Variants in MAF observed in about 807,000 individuals in gnomAD.
MAF encodes MAF bZIP transcription factor.
MAF carries 10 observed loss-of-function variants against 22.0 expected under a neutral mutation model. The observed-to-expected ratio is 0.45, with a 90% CI of 0.28 to 0.77. The LOEUF (loss-of-function observed/expected upper bound fraction) is 0.77, where lower values mean the gene tolerates loss of function less well. MAF is among the 30% of genes least tolerant of loss of function. The pLI, the probability that MAF is intolerant of heterozygous loss-of-function variation, is 0.12. For synonymous variants in MAF, 337 were observed against 255.8 expected (o/e 1.32, Z -3.03); for missense variants, 544 against 548.4 (o/e 0.99, Z 0.08).
the MAF span, among the ~76,000 whole-genome samples, chr16:79,558,040 A>G: frequency 2.6e-5 from 4 of 151,858 alleles, no homozygotes; most frequent in African/African-American, 9.7e-5. Context: ...ATGCACCTTC[A>G]CATTTCAGAA....
the MAF span, among the ~76,000 whole-genome samples, chr16:79,437,148 G>A: frequency 3.4e-5 from 1 of 29,046 alleles, no homozygotes; most frequent in Non-Finnish European, 9.8e-5. Context: ...CTCTCTCTCT[G>A]TGTGTGTGTG....
the MAF span, among the ~76,000 whole-genome samples, chr16:79,367,280 C>A: frequency 1.3e-5 from 2 of 152,200 alleles, no homozygotes; most frequent in African/African-American, 2.4e-5. Context: ...TCAAATGATA[C>A]CCTTGCTATT....
the MAF span, among the ~76,000 whole-genome samples, chr16:79,269,732 T>A: frequency 6.6e-6 from 1 of 152,156 alleles, no homozygotes; most frequent in African/African-American, 2.4e-5. Context: ...CTCTCAGACT[T>A]CCTTTCATGC....
chr16:79,497,026 G>GAAT, the MAF span, among the ~76,000 whole-genome samples: 1 of 151,958 alleles, frequency 6.6e-6, no homozygotes, highest in African/African-American at 2.4e-5. Context: ...AAAAGCTTCT[G>GAAT]AATAATAATA....
chr16:79,528,630 G>A, the MAF span, among the ~76,000 whole-genome samples: 3 of 151,490 alleles, frequency 2.0e-5, no homozygotes, highest in South Asian at 2.1e-4. Context: ...TTTGACTTAA[G>A]GCTTTGAGAG....
the MAF span, among the ~76,000 whole-genome samples, chr16:79,578,990 AC>A: frequency 6.6e-6 from 1 of 152,216 alleles, no homozygotes; most frequent in African/African-American, 2.4e-5. Flanking sequence ...CCAGGAAAAG[AC>A]ATGGCTTTAT....
At chr16:79,425,135 A>G in the MAF span, among the ~76,000 whole-genome samples, 17 of 152,242 alleles carry the variant, frequency 1.1e-4, no homozygotes, top group East Asian at 3.1e-3. Flanking sequence ...TTCTGTTATG[A>G]TCTATTTAAT....
the MAF span, among the ~76,000 whole-genome samples, chr16:79,493,142 T>TC: frequency 8.1e-6 from 1 of 122,718 alleles, no homozygotes; most frequent in Admixed American, 7.4e-5. Context: ...GTTTTTTTTT[T>TC]GTTTTGTTTT....
At chr16:79,242,972 G>C in the MAF span, among the ~76,000 whole-genome samples, 1 of 151,900 alleles carries the variant, frequency 6.6e-6, no homozygotes, top group African/African-American at 2.4e-5. Context: ...ACAAAATGAA[G>C]GCAGAAATAA....
the MAF span, among the ~76,000 whole-genome samples, chr16:79,401,244 C>G: frequency 6.6e-6 from 1 of 152,204 alleles, no homozygotes; most frequent in South Asian, 2.1e-4. Context: ...TTTTCACTCC[C>G]CAAACTACCT....
chr16:79,508,454 A>G, the MAF span, among the ~76,000 whole-genome samples: 3 of 151,998 alleles, frequency 2.0e-5, no homozygotes, highest in African/African-American at 7.2e-5. Flanking sequence ...TTGCCCCTTC[A>G]TGCCTAGAGT....
chr16:79,309,585 T>C, the MAF span, among the ~76,000 whole-genome samples: 1 of 152,224 alleles, frequency 6.6e-6, no homozygotes, highest in African/African-American at 2.4e-5. Context: ...AGGAGGCTCA[T>C]AACACCTGTC....
chr16:79,389,393 G>T, the MAF span, among the ~76,000 whole-genome samples: 3 of 152,016 alleles, frequency 2.0e-5, no homozygotes. Flanking sequence ...CAAGTAGCTG[G>T]GATTACAGGC....
the MAF span, among the ~76,000 whole-genome samples, chr16:79,290,553 G>C: frequency 2.0e-5 from 3 of 151,950 alleles, no homozygotes; most frequent in Admixed American, 6.5e-5. Context: ...GCTTAACCAT[G>C]CTGCGACGTG....
At chr16:79,305,971 C>G in the MAF span, among the ~76,000 whole-genome samples, 1 of 152,216 alleles carries the variant, frequency 6.6e-6, no homozygotes, top group African/African-American at 2.4e-5. Context: ...ACCCCAAGCT[C>G]TGCATGCCCC....
At chr16:79,522,266 G>C in the MAF span, among the ~76,000 whole-genome samples, 505 of 152,318 alleles carry the variant, frequency 3.3e-3, 5 homozygotes, top group African/African-American at 0.011. Flanking sequence ...CAGCTCCCCT[G>C]GGATAGAAGC....
chr16:79,506,614 C>T, the MAF span, among the ~76,000 whole-genome samples: 1 of 152,206 alleles, frequency 6.6e-6, no homozygotes, highest in South Asian at 2.1e-4. Flanking sequence ...GAGAGGAAGG[C>T]CAAGACCCAG....
chr16:79,397,529 T>G, the MAF span, among the ~76,000 whole-genome samples: 1 of 152,190 alleles, frequency 6.6e-6, no homozygotes, highest in Non-Finnish European at 1.5e-5. Flanking sequence ...GACTCTAATA[T>G]TGTAGTTTTT....
the MAF span, among the ~76,000 whole-genome samples, chr16:79,563,574 A>G: frequency 2.0e-5 from 3 of 152,020 alleles, no homozygotes; most frequent in Non-Finnish European, 4.4e-5. Flanking sequence ...CATTGATATC[A>G]TAATACTTTT....
Sources: allele counts gnomAD v4.1 joint callset (sites outside exome capture counted in the v4.1 genomes callset), GRCh38; gene constraint gnomAD v4.1.1; transcripts MANE v1.5; gene names NCBI Gene and HGNC (gene_info 2026-07-23, HGNC 2026-07-21).